The following ABR variants were observed in gnomAD, a reference collection of about 807,000 sequenced individuals.
The protein encoded by ABR is active breakpoint cluster region-related protein.
A neutral mutation model predicts 107.2 loss-of-function variants in ABR; 35 were observed. The ratio of observed to expected loss-of-function variants is 0.33; its 90% CI spans 0.25 to 0.43. The LOEUF is 0.43. ABR is among the 20% of genes least tolerant of loss of function. The probability of loss-of-function intolerance (pLI) is 1.00; values close to 1 mark genes in which losing one functional copy is unlikely to be tolerated. For synonymous variants in ABR, 498 were observed against 462.0 expected (o/e 1.08, Z -1.00); for missense variants, 815 against 1,115.2 (o/e 0.73, Z 3.83).
chr17:1,208,659 C>T (rs933243503), intron 1 of ABR, among the ~76,000 whole-genome samples: 8 of 152,142 alleles, frequency 5.3e-5, no homozygotes, highest in Admixed American at 1.3e-4. Flanking sequence ...GAGGCCGAGG[C>T]GGGCGGATCA....
chr17:1,024,945 C>T (rs891951920), intron 16 of ABR, among the ~76,000 whole-genome samples: 5 of 151,580 alleles, frequency 3.3e-5, no homozygotes, highest in African/African-American at 1.2e-4. Flanking sequence ...CACGGTGAAA[C>T]CCCGTCTCTA....
At chr17:1,215,219 CA>C (rs71148449) in intron 1 of ABR, among the ~76,000 whole-genome samples, 132,067 of 135,890 alleles carry the variant, frequency 0.97, 64,197 homozygotes, top group East Asian at 1. Context: ...GACTCTGTCT[CA>C]AAAAAAAAAA....
chr17:1,070,200 TAG>T lies in ABR; in HGVS notation c.895-112_895-111del. 1.4e-6 allele frequency: 2 copies of T among 1,426,928 alleles called. No homozygotes were observed. Among genetic ancestry groups the T allele is most frequent in the Non-Finnish European group, 1.9e-6 (2 of 1,046,080 alleles). The allele number at this position is 1,426,928 out of a possible 1,614,324, so 88.4% of individuals were successfully genotyped here. The stretch of plus-strand genomic sequence containing the variant: ...GGGAGGACTGGACCGAGAGGCGGCA[TAG>T]CCTGTCATCCCTTAACCAAAGGTGG... On this transcript the variant is annotated intron_variant, in intron 8 of 22. Coordinates refer to ENST00000302538, the MANE Select transcript of ABR (RefSeq NM_021962.5). This position sits in a 1 kb window ranked among gnomAD's most constrained non-coding sequence, Gnocchi z 4.2.
chr17:1,064,134 ATGCATGTTCCTCTAGACACTG>A (rs2034395943), intron 10 of ABR, among the ~76,000 whole-genome samples: 1 of 119,842 alleles, frequency 8.3e-6, no homozygotes, highest in African/African-American at 3.4e-5. Flanking sequence ...ACTGAGGGCT[ATGCATGTTCCTCTAGACACTG>A]TTATGTGAAC....
At chr17:1,118,090 C>G (rs2039125199) in intron 2 of ABR, among the ~76,000 whole-genome samples, 3 of 53,062 alleles carry the variant, frequency 5.7e-5, no homozygotes, top group East Asian at 4.5e-4. Flanking sequence ...CAGCGTTATC[C>G]CTGAGCCTGA....
intron 10 of ABR, among the ~76,000 whole-genome samples, chr17:1,060,191 G>C (rs966113361): frequency 2.0e-5 from 3 of 151,832 alleles, no homozygotes; most frequent in African/African-American, 7.3e-5. Flanking sequence ...TGGGCGGATC[G>C]TTTGAGGTCA....
At position 1,071,240 on chromosome 17, in the gene ABR, C is replaced by T. The variant is rs767315105; in HGVS notation, c.895-1150G>A. On this transcript the variant is annotated intron_variant, in intron 8 of 22. Transcript: ENST00000302538. The surrounding 1 kb of genome is among the most constrained non-coding windows in gnomAD (Gnocchi z 5.1). ...TCAGATATCCCCAGAGTAAAACAGA[C>T]GACGGGATCCCCAGACGCTGCACAT... Among the ~76,000 whole-genome samples, 12 of 152,132 alleles carry T rather than the reference C, an allele frequency of 7.9e-5. No homozygotes were observed. Among genetic ancestry groups the T allele is most frequent in the Non-Finnish European group, 1.6e-4 (11 of 68,012 alleles).
intron 10 of ABR, among the ~76,000 whole-genome samples, chr17:1,062,686 C>T (rs866049106): frequency 2.0e-4 from 29 of 145,448 alleles, no homozygotes; most frequent in Non-Finnish European, 3.3e-4. Flanking sequence ...GAGGGCTATA[C>T]ATGTTCCTCT....
chr17:1,057,334 GTGTGTGTGTGTGTGTGTGT>G (rs2033420863), intron 12 of ABR, among the ~76,000 whole-genome samples: 5 of 95,942 alleles, frequency 5.2e-5, no homozygotes, highest in Admixed American at 1.1e-4. Flanking sequence ...GTGTGTGTGT[GTGTGTGTGTGTGTGTGTGT>G]GTGTGTGTGT....
chr17:1,146,899 C>A (rs1465405924), intron 1 of ABR, among the ~76,000 whole-genome samples: 6 of 105,414 alleles, frequency 5.7e-5, no homozygotes, highest in Non-Finnish European at 1.2e-4. Flanking sequence ...GCCGCCACTG[C>A]CACCACTGCC....
At chr17:1,012,035 C>T (rs905306186) in intron 18 of ABR, 50 bp from the exon 19 acceptor site, 1 of 1,606,522 alleles carries the variant, frequency 6.2e-7, no homozygotes. Flanking sequence ...CGACAGCTCT[C>T]CCGTAGCAAC....
chr17:1,198,039 AG>A (rs2042603136), intron 1 of ABR, among the ~76,000 whole-genome samples: 1 of 151,654 alleles, frequency 6.6e-6, no homozygotes, highest in Admixed American at 6.6e-5. Flanking sequence ...GCCCTAAAGG[AG>A]AGCTGAGCTG....
intron 1 of ABR, among the ~76,000 whole-genome samples, chr17:1,147,175 C>G (rs1162794735): frequency 6.6e-6 from 1 of 152,216 alleles, no homozygotes; most frequent in African/African-American, 2.4e-5. Flanking sequence ...ACAGCTCTTT[C>G]TCCCTTTCTC....
Position 1,050,250 on chromosome 17 carries a change from TG to T in ABR, c.1660-70del. On this transcript the variant is annotated intron_variant, in intron 15 of 22. Coordinates refer to ENST00000302538, the MANE Select transcript of ABR (RefSeq NM_021962.5). The surrounding 1 kb of genome is among the most constrained non-coding windows in gnomAD (Gnocchi z 4.6). ...GAGGCCTGGCTTTCCGGCAGGTGCGTGCCTCAGCTTTGCAAGGAGGAGGGAG... is the reference window on the plus strand; with the variant it reads ...GAGGCCTGGCTTTCCGGCAGGTGCGTCCTCAGCTTTGCAAGGAGGAGGGAG... 6.4e-7 allele frequency: 1 copy of T among 1,552,634 alleles called. No homozygotes were observed. Among genetic ancestry groups the T allele is most frequent in the Non-Finnish European group, 8.7e-7 (1 of 1,153,778 alleles).
At chr17:1,069,229 C>A (rs955292867) in intron 9 of ABR, among the ~76,000 whole-genome samples, 2 of 152,246 alleles carry the variant, frequency 1.3e-5, no homozygotes, top group East Asian at 3.9e-4. Flanking sequence ...GGAAGCAGCG[C>A]GGCAGGAGTC....
chr17:1,229,262 G>A (rs1378161714), exon 1 of ABR, among the ~76,000 whole-genome samples: 1 of 151,692 alleles, frequency 6.6e-6, no homozygotes, highest in African/African-American at 2.4e-5. Flanking sequence ...GGAGCTGCCG[G>A]TGGACGGCGT....
intron 16 of ABR, among the ~76,000 whole-genome samples, chr17:1,015,198 C>T (rs1220619134): frequency 6.6e-6 from 1 of 151,962 alleles, no homozygotes; most frequent in East Asian, 2.0e-4. Flanking sequence ...TGGTGGATCA[C>T]CTGAGGTCAG....
chr17:1,159,125 A>G (rs1028423577), intron 1 of ABR, among the ~76,000 whole-genome samples: 1 of 152,252 alleles, frequency 6.6e-6, no homozygotes, highest in Admixed American at 6.5e-5. Context: ...AACCAACTAT[A>G]TTAAACTACT....
chr17:1,163,286 G>A (rs921580609), intron 1 of ABR, among the ~76,000 whole-genome samples: 1 of 152,196 alleles, frequency 6.6e-6, no homozygotes, highest in Non-Finnish European at 1.5e-5. Flanking sequence ...ATCGCATCGT[G>A]ATTTTTTGTG....
Sources: allele counts gnomAD v4.1 joint callset (sites outside exome capture counted in the v4.1 genomes callset), GRCh38; gene constraint gnomAD v4.1.1; non-coding constraint Gnocchi (gnomAD v3.1); transcripts MANE v1.5; gene names NCBI Gene and HGNC (gene_info 2026-07-23, HGNC 2026-07-21).